PDE4D: variants seen among roughly 807,000 people sequenced by gnomAD.
PDE4D encodes the protein 3',5'-cyclic-AMP phosphodiesterase 4D.
In PDE4D, 24 loss-of-function variants were observed where a neutral mutation model predicts 87.4. That is an observed-to-expected ratio of 0.27 (90% CI 0.20 to 0.39). The LOEUF is 0.39. Ranked by LOEUF, PDE4D falls within the 10% of genes least tolerant of loss-of-function variation. PDE4D has a pLI of 1.00. For synonymous variants in PDE4D, 384 were observed against 383.2 expected, an observed-to-expected ratio of 1.00 and a Z score of -0.02; for missense variants, 714 against 1,041.0, an observed-to-expected ratio of 0.69 and a Z score of 4.32.
chr5:60,237,748 TACACAA>T (rs1746590348), intron 1 of PDE4D, among the ~76,000 whole-genome samples: 1 of 151,968 alleles, frequency 6.6e-6, no homozygotes, highest in Non-Finnish European at 1.5e-5. Flanking sequence ...GACATAGAGC[TACACAA>T]ACACATGAGA....
chr5:59,287,675 T>C (rs145258310), intron 1 of PDE4D, among the ~76,000 whole-genome samples: 1 of 151,860 alleles, frequency 6.6e-6, no homozygotes, highest in East Asian at 2.0e-4. Context: ...CACAGGGGTA[T>C]TTGTGTTACC....
At chr5:60,420,018 G>A (rs1269566489) in intron 1 of PDE4D, among the ~76,000 whole-genome samples, 2 of 152,178 alleles carry the variant, frequency 1.3e-5, no homozygotes, top group Non-Finnish European at 2.9e-5. Context: ...GGACAAATCT[G>A]TGACTGAGAT....
chr5:59,736,496 T>C (rs1407387998), intron 1 of PDE4D, among the ~76,000 whole-genome samples: 2 of 151,976 alleles, frequency 1.3e-5, no homozygotes, highest in East Asian at 1.9e-4. Context: ...CTGACCAACA[T>C]GGCGAAACAC....
intron 5 of PDE4D, among the ~76,000 whole-genome samples, chr5:59,178,461 A>G (rs981030865): frequency 2.6e-5 from 4 of 152,172 alleles, no homozygotes; most frequent in Non-Finnish European, 5.9e-5. Flanking sequence ...TCTGTGGCTC[A>G]TAATTCCCTC....
At chr5:59,201,181 A>ACT (rs912825499) in intron 2 of PDE4D, among the ~76,000 whole-genome samples, 17 of 152,252 alleles carry the variant, frequency 1.1e-4, no homozygotes, top group African/African-American at 4.1e-4. Flanking sequence ...TTAAAAAGCT[A>ACT]CTTATTAAAG....
chr5:59,201,129 G>A (rs953522269), intron 2 of PDE4D, among the ~76,000 whole-genome samples: 63 of 152,004 alleles, frequency 4.1e-4, no homozygotes, highest in African/African-American at 1.5e-3. Flanking sequence ...AATCATATGG[G>A]TTTTTCAGAC....
chr5:59,669,443 C>T (rs1012638600), intron 1 of PDE4D, among the ~76,000 whole-genome samples: 1 of 152,104 alleles, frequency 6.6e-6, no homozygotes, highest in Non-Finnish European at 1.5e-5. Flanking sequence ...TAAATAAATA[C>T]TCTAAATAAA....
At chr5:60,026,506 A>T (rs1289399807) in intron 2 of PDE4D, among the ~76,000 whole-genome samples, 1 of 152,222 alleles carries the variant, frequency 6.6e-6, no homozygotes, top group African/African-American at 2.4e-5. Flanking sequence ...CACCAAGACA[A>T]GAAAAAGTGT....
chr5:59,199,085 T>C (rs1269647701), intron 2 of PDE4D, among the ~76,000 whole-genome samples: 1 of 152,096 alleles, frequency 6.6e-6, no homozygotes. Context: ...TAGAAGAAAG[T>C]TTTTACTTTA....
chr5:60,336,547 A>C (rs1246583716), intron 1 of PDE4D, among the ~76,000 whole-genome samples: 2 of 152,228 alleles, frequency 1.3e-5, no homozygotes, highest in Non-Finnish European at 2.9e-5. Context: ...GCCCAGATAG[A>C]ACTGGTTTAT....
At chr5:60,268,803 A>G (rs1463601239) in intron 1 of PDE4D, among the ~76,000 whole-genome samples, 1 of 152,222 alleles carries the variant, frequency 6.6e-6, no homozygotes, top group African/African-American at 2.4e-5. Flanking sequence ...CAGATCCTCA[A>G]AGAGGCCCAT....
In PDE4D at chr5:59,414,136, C is replaced by T. The variant is rs185037469; in HGVS notation, c.456-198168G>A. Among the ~76,000 whole-genome samples the T allele has an allele frequency of 3.4e-3, 519 of 152,324 alleles. 3 individuals carry two copies. Among genetic ancestry groups the T allele is most frequent in the Non-Finnish European group, 4.8e-3 (324 of 68,032 alleles). ...ACTGTACTGAAAGTAACAGAGTTCA[C>T]GTGCTCCATCTGAACCCTCACTGAA... On this transcript the variant is annotated intron_variant, in intron 1 of 14. Transcript: ENST00000340635.
intron 2 of PDE4D, among the ~76,000 whole-genome samples, chr5:60,101,600 A>C (rs1176889797): frequency 6.6e-6 from 1 of 152,118 alleles, no homozygotes; most frequent in Non-Finnish European, 1.5e-5. Context: ...GGAAGCTAAC[A>C]AGTTTTTCAA....
intron 1 of PDE4D, among the ~76,000 whole-genome samples, chr5:60,320,366 C>T (rs7711198): frequency 0.06 from 9,063 of 152,188 alleles, 886 homozygotes; most frequent in African/African-American, 0.21. Context: ...CCTGATTTTC[C>T]GGATGCCGTC....
chr5:59,649,905 C>CATTTTTTTTTTTTTTTTTTT (rs1743128686), intron 1 of PDE4D, among the ~76,000 whole-genome samples: 1 of 72,404 alleles, frequency 1.4e-5, no homozygotes, highest in Non-Finnish European at 2.4e-5. Flanking sequence ...GTTTGTGAAC[C>CATTTTTTTTTTTTTTTTTTT]TTTTTTTTTT....
At chr5:59,067,116 G>A (rs1764070683) in intron 5 of PDE4D, among the ~76,000 whole-genome samples, 1 of 151,916 alleles carries the variant, frequency 6.6e-6, no homozygotes, top group African/African-American at 2.4e-5. Context: ...CCAGGTGCAA[G>A]TGATTCTAGT....
chr5:59,835,453 A>T (rs1294447016), intron 1 of PDE4D, among the ~76,000 whole-genome samples: 1 of 152,028 alleles, frequency 6.6e-6, no homozygotes, highest in Non-Finnish European at 1.5e-5. Context: ...TCATGAAAGG[A>T]AATGGTATAT....
In PDE4D at chr5:59,843,924, A is replaced by T. The variant is rs577540270; in HGVS notation, c.455+49244T>A. 3.3e-5 allele frequency among the ~76,000 whole-genome samples: 5 copies of T among 152,170 alleles called. No homozygotes were observed. In the East Asian group the frequency reaches 7.8e-4, roughly 24 times the overall value. ...GATATAAGAAAATTGAGGTAGAGGG[A>T]GGTTAATTGCTTTAATGCCTCCATA... On this transcript the variant is annotated intron_variant, in intron 1 of 14. Transcript: ENST00000340635.
chr5:59,139,671 G>A (rs368566435), intron 5 of PDE4D, among the ~76,000 whole-genome samples: 27 of 150,514 alleles, frequency 1.8e-4, no homozygotes, highest in South Asian at 1.3e-3. Flanking sequence ...GTAGAGATGG[G>A]GTTTTGCCAT....
Sources: allele counts gnomAD v4.1 joint callset (sites outside exome capture counted in the v4.1 genomes callset), GRCh38; gene constraint gnomAD v4.1.1; transcripts MANE v1.5; gene names NCBI Gene and HGNC (gene_info 2026-07-23, HGNC 2026-07-21).